The following GUF1 variants were observed in gnomAD, a reference collection of about 807,000 sequenced individuals.
The protein encoded by GUF1 is GTP binding elongation factor GUF1.
A neutral mutation model predicts 82.4 loss-of-function variants in GUF1; 78 were observed. The ratio of observed to expected loss-of-function variants is 0.95; its 90% confidence interval spans 0.79 to 1.14. GUF1 has a LOEUF of 1.14. Ranked by LOEUF, GUF1 falls within the 50% of genes most tolerant of loss-of-function variation. The pLI is 0.00. For missense variants in GUF1, 814 were observed against 798.2 expected (o/e 1.02, Z -0.24); for synonymous variants, 279 against 282.3 (o/e 0.99, Z 0.12).
chr4:44,691,865 T>C, intron 13 of GUF1, 66 bp downstream of exon 13: 1 of 1,055,520 alleles, frequency 9.5e-7, no homozygotes, highest in South Asian at 1.6e-5. Context: ...AGCAAGGGTA[T>C]ACTAATTCTT....
intron 8 of GUF1, 78 bp from the exon 9 acceptor site, chr4:44,687,929 G>C: frequency 7.7e-7 from 1 of 1,295,664 alleles, no homozygotes; most frequent in East Asian, 2.3e-5. Context: ...ATAGTTTCCT[G>C]GGAAGGTAGA....
In GUF1 at chr4:44,682,424, A is replaced by C; in HGVS notation, c.585+13A>C. Reference sequence around the variant, plus strand: ...AGTTATAAATAAGGTAATTACAATGAGACAACAGTGTTGCTATTTCACTTT... The same window carrying C: ...AGTTATAAATAAGGTAATTACAATGCGACAACAGTGTTGCTATTTCACTTT... On this transcript the variant is annotated intron_variant, in intron 5 of 16. Transcript: ENST00000281543. 1 of 1,410,832 alleles carries C rather than the reference A, an allele frequency of 7.1e-7. No individual in the cohort carries two copies. 87.4% of individuals were successfully genotyped at this position (1,410,832 alleles called of 1,614,324 possible).
At chr4:44,683,902 G>A (rs891178117) in intron 6 of GUF1, among the ~76,000 whole-genome samples, 1 of 152,068 alleles carries the variant, frequency 6.6e-6, no homozygotes, top group Non-Finnish European at 1.5e-5. Flanking sequence ...TGTCAGCACA[G>A]CAATGTAATG....
In GUF1 at chr4:44,698,671, C is replaced by T. The variant is rs1716012492; in HGVS notation, c.2000C>T (p.Ser667Phe). 1.1e-5 allele frequency: 17 copies of T among 1,591,986 alleles called. No homozygotes were observed. Among genetic ancestry groups the T allele is most frequent in the Non-Finnish European group, 1.4e-5 (17 of 1,173,754 alleles). The change falls in exon 17 of 17, where the codon TCT becomes TTT. Residue 667 changes from serine to phenylalanine, a missense_variant. By Grantham distance (155) the Ser-to-Phe change is radical. Coordinates refer to ENST00000281543, the MANE Select transcript of GUF1 (RefSeq NM_021927.3). ...DAFIKVLKTQ[S>F]SK ...TTTATAAAAGTTCTGAAAACACAAT[C>T]TTCTAAATAATTGGTGGGAAAACAA... is the stretch of plus-strand genomic sequence containing the variant.
chr4:44,693,166 A>G (rs1303325969), intron 13 of GUF1, among the ~76,000 whole-genome samples: 2 of 152,040 alleles, frequency 1.3e-5, no homozygotes, highest in Non-Finnish European at 2.9e-5. Context: ...AACTTATTTC[A>G]TACCAGGAGG....
intron 1 of GUF1, 24 bp from the exon 2 acceptor site, chr4:44,680,417 A>T: frequency 8.7e-7 from 1 of 1,150,582 alleles, no homozygotes; most frequent in Non-Finnish European, 1.3e-6. Context: ...TTATACTCCT[A>T]AATGTGGTAT....
intron 10 of GUF1, 123 bp from the exon 11 acceptor site, chr4:44,689,720 T>C: frequency 1.3e-6 from 1 of 754,116 alleles, no homozygotes; most frequent in South Asian, 3.1e-5. Flanking sequence ...TTTAATTATA[T>C]TGTGAATTGT....
intron 6 of GUF1, among the ~76,000 whole-genome samples, chr4:44,683,793 C>T (rs1233777239): frequency 6.6e-6 from 1 of 152,024 alleles, no homozygotes; most frequent in Admixed American, 6.6e-5. Context: ...ACCAAAGTTG[C>T]TACCATTTTA....
At chr4:44,679,770 ATAGAG>A (rs952140785) in intron 1 of GUF1, among the ~76,000 whole-genome samples, 1 of 110,134 alleles carries the variant, frequency 9.1e-6, no homozygotes, top group Non-Finnish European at 2.3e-5. Context: ...TTGGAAAAAA[ATAGAG>A]TACAAAAAAC....
At chr4:44,691,868 T>A in intron 13 of GUF1, 69 bp downstream of exon 13, 1 of 1,026,702 alleles carries the variant, frequency 9.7e-7, no homozygotes, top group Non-Finnish European at 1.4e-6. Context: ...AAGGGTATAC[T>A]AATTCTTCAT....
chr4:44,688,228 C>A, intron 9 of GUF1, 82 bp downstream of exon 9: 1 of 1,324,034 alleles, frequency 7.6e-7, no homozygotes, highest in Non-Finnish European at 1.0e-6. Context: ...GGAAAAAATA[C>A]ACATTCTGGT....
Position 44,678,542 on chromosome 4 carries a change from CG to C in GUF1, c.-75del, listed in dbSNP as rs566616981. 13 of 1,156,450 alleles carry C rather than the reference CG, an allele frequency of 1.1e-5. No individual in the cohort carries two copies. The East Asian group carries it at 1.9e-4, about 17-fold the overall frequency. The allele number at this position is 1,156,450 out of a possible 1,614,324, so 71.6% of individuals were successfully genotyped here. A position where few individuals can be genotyped will look rare whatever the true frequency, so the allele number is the denominator to read the frequency against. On this transcript the variant is annotated 5_prime_UTR_variant, in exon 1 of 17. Transcript: ENST00000281543. ...TTTGAGTCCTGTCCACCGGATCCTA[CG>C]GGGGGTACCTTCGAAAAAAAACGGG...
At chr4:44,693,360 T>G (rs1281607022) in intron 13 of GUF1, among the ~76,000 whole-genome samples, 1 of 152,086 alleles carries the variant, frequency 6.6e-6, no homozygotes, top group African/African-American at 2.4e-5. Context: ...TTAAGATTTT[T>G]AATATTTTGG....
chr4:44,696,157 G>A (rs747972697), intron 15 of GUF1, among the ~76,000 whole-genome samples: 16 of 152,020 alleles, frequency 1.1e-4, no homozygotes, highest in African/African-American at 2.4e-4. Flanking sequence ...CCCCACTTCC[G>A]CAGAGCTAGG....
intron 16 of GUF1, 45 bp downstream of exon 16, chr4:44,697,489 C>T (rs6821295): frequency 0.58 from 586,334 of 1,018,232 alleles, 174,574 homozygotes; most frequent in Non-Finnish European, 0.62. Context: ...CTTTTATGGG[C>T]TTTAAATCAA....
chr4:44,680,492 ATTG>A lies in GUF1; in HGVS notation c.221_223del (p.Val74del). On this transcript the variant is annotated inframe_deletion, in exon 2 of 17. Transcript: ENST00000281543. ...TGTTGAAAATATTAGAAATTTCAGT[ATTG>A]TTGCACACGTGGATCATGGCAAAAG... 6.2e-7 allele frequency: 1 copy of A among 1,609,302 alleles called. No homozygotes were observed. Among genetic ancestry groups the A allele is most frequent in the South Asian group, 1.1e-5 (1 of 90,140 alleles).
rs1424857559 is a variant in GUF1, at chr4:44,699,341, C to G, written c.*660C>G. 1 of 152,246 alleles carries G rather than the reference C, an allele frequency of 6.6e-6. No homozygotes were observed. Among genetic ancestry groups the G allele is most frequent in the Non-Finnish European group, 1.5e-5 (1 of 68,140 alleles). 9.4% of individuals were successfully genotyped at this position (152,246 alleles called of 1,614,324 possible). A position where few individuals can be genotyped will look rare whatever the true frequency, so the allele number is the denominator to read the frequency against. ...TCCATTACAGGCGTGCACCACCATGCTCGGCTAATTTTTTGTATCTTTAGT... is the reference window on the plus strand; with the variant it reads ...TCCATTACAGGCGTGCACCACCATGGTCGGCTAATTTTTTGTATCTTTAGT... On this transcript the variant is annotated 3_prime_UTR_variant, in exon 17 of 17. Transcript: ENST00000281543.
intron 1 of GUF1, 140 bp downstream of exon 1, chr4:44,678,927 G>C: frequency 1.2e-6 from 1 of 827,544 alleles, no homozygotes; most frequent in Non-Finnish European, 1.8e-6. Flanking sequence ...AGCGGAGAGT[G>C]TGAGCACTGC....
In GUF1 at chr4:44,685,985, TGA is replaced by T. The variant is rs757596916; in HGVS notation, c.700_701del (p.Ser234CysfsTer7). On this transcript the variant is annotated frameshift_variant, in exon 7 of 17. Transcript: ENST00000281543. LOFTEE classifies it high-confidence loss of function. ...TTTCTGCTAAACTTGGAACAAATGT[TGA>T]GAGTGTTCTTCAGGCAATTATTGAA... ...KISAKLGTNV[E>X]SVLQAIIERI... 6.2e-7 allele frequency: 1 copy of T among 1,606,920 alleles called. No homozygotes were observed. The highest frequency in any genetic ancestry group is 1.1e-5 in the South Asian group (1 of 90,932).
Sources: allele counts gnomAD v4.1 joint callset (sites outside exome capture counted in the v4.1 genomes callset), GRCh38; gene constraint gnomAD v4.1.1; transcripts MANE v1.5; gene names NCBI Gene and HGNC (gene_info 2026-07-23, HGNC 2026-07-21).